GRXCR2: variants seen among roughly 807,000 people sequenced by gnomAD.
GRXCR2 encodes glutaredoxin domain-containing cysteine-rich protein 2.
A neutral mutation model predicts 24.8 loss-of-function variants in GRXCR2; 23 were observed. That is an observed-to-expected ratio of 0.93 (90% confidence interval 0.67 to 1.32). The LOEUF is 1.32. GRXCR2 is among the 40% of genes most tolerant of loss of function. The pLI is 0.00. For missense variants in GRXCR2, 315 were observed against 303.4 expected (o/e 1.04, Z -0.28); for synonymous variants, 130 against 116.1 (o/e 1.12, Z -0.77).
At chr5:145,901,975 C>T (rs1757031883) in intron 2 of GRXCR2, among the ~76,000 whole-genome samples, 1 of 152,150 alleles carries the variant, frequency 6.6e-6, no homozygotes, top group South Asian at 2.1e-4. Flanking sequence ...ACAAGATTTA[C>T]TCATGGTATT....
intron 2 of GRXCR2, among the ~76,000 whole-genome samples, chr5:145,886,842 T>A (rs1157337861): frequency 6.6e-6 from 1 of 152,230 alleles, no homozygotes; most frequent in Non-Finnish European, 1.5e-5. Context: ...TAATCCAGTA[T>A]AAGATATTCA....
At chr5:145,875,599 T>A (rs898216515), upstream of GRXCR2, among the ~76,000 whole-genome samples, 6 of 152,074 alleles carry the variant, frequency 3.9e-5, no homozygotes, top group Non-Finnish European at 7.4e-5. Context: ...ATTTTTTTTT[T>A]AATCTACCTT....
At chr5:145,928,749 T>G (rs1757435128) in intron 2 of GRXCR2, among the ~76,000 whole-genome samples, 3 of 78,502 alleles carry the variant, frequency 3.8e-5, no homozygotes, top group Non-Finnish European at 4.9e-5. Context: ...CCAGGGCCTG[T>G]TGTGGGGTGG....
intron 1 of GRXCR2, among the ~76,000 whole-genome samples, chr5:145,871,907 T>C (rs7703926): frequency 0.22 from 33,557 of 152,200 alleles, 4,098 homozygotes; most frequent in Non-Finnish European, 0.28. Context: ...ATACATCTCC[T>C]ATGAATTTTT....
intron 2 of GRXCR2, among the ~76,000 whole-genome samples, chr5:145,880,528 G>T (rs1268572511): frequency 6.6e-6 from 1 of 152,122 alleles, no homozygotes; most frequent in Non-Finnish European, 1.5e-5. Flanking sequence ...CTCTGAAATT[G>T]AGGCAATAAT....
intron 2 of GRXCR2, among the ~76,000 whole-genome samples, chr5:145,907,249 C>T (rs1426188290): frequency 6.6e-6 from 1 of 152,068 alleles, no homozygotes; most frequent in African/African-American, 2.4e-5. Context: ...ATTGCCCTGG[C>T]GGAATGCAGT....
At chr5:145,873,065 A>G, upstream of GRXCR2, 1 of 931,504 alleles carries the variant, frequency 1.1e-6, no homozygotes, top group South Asian at 1.6e-5. Context: ...CCTCCTGCAT[A>G]TAATTAATTC....
At chr5:145,868,345 G>T (rs1223651160) in intron 1 of GRXCR2, among the ~76,000 whole-genome samples, 1 of 152,138 alleles carries the variant, frequency 6.6e-6, no homozygotes, top group Non-Finnish European at 1.5e-5. Flanking sequence ...GTATTTAAAA[G>T]ATATTCAGCC....
At chr5:145,869,712 C>T (rs1756497905) in intron 1 of GRXCR2, among the ~76,000 whole-genome samples, 3 of 152,076 alleles carry the variant, frequency 2.0e-5, no homozygotes, top group African/African-American at 7.2e-5. Flanking sequence ...CGCCCGCCAC[C>T]ACACCTGGCT....
At chr5:145,893,013 T>A (rs1313396270) in intron 2 of GRXCR2, among the ~76,000 whole-genome samples, 1 of 152,158 alleles carries the variant, frequency 6.6e-6, no homozygotes, top group Non-Finnish European at 1.5e-5. Context: ...CAACCCACAA[T>A]TTCATATCCA....
chr5:145,903,733 A>G (rs1223432497), intron 2 of GRXCR2, among the ~76,000 whole-genome samples: 1 of 152,222 alleles, frequency 6.6e-6, no homozygotes, highest in Non-Finnish European at 1.5e-5. Flanking sequence ...CGATGGATAC[A>G]GTGAAGACAA....
chr5:145,927,847 C>A (rs11167919), intron 2 of GRXCR2, among the ~76,000 whole-genome samples: 27,509 of 151,834 alleles, frequency 0.18, 2,713 homozygotes, highest in Non-Finnish European at 0.22. Context: ...CATGGGGAAG[C>A]ACTTCATGTC....
At chr5:145,878,727 C>T (rs1283614272) in intron 2 of GRXCR2, among the ~76,000 whole-genome samples, 1 of 152,058 alleles carries the variant, frequency 6.6e-6, no homozygotes. Flanking sequence ...AGAAGAGCAA[C>T]CTCAAAACAC....
At chr5:145,929,199 CTATATA>C (rs72283862) in intron 2 of GRXCR2, among the ~76,000 whole-genome samples, 2 of 116,506 alleles carry the variant, frequency 1.7e-5, no homozygotes, top group Admixed American at 8.9e-5. Context: ...ATATTCCCCC[CTATATA>C]TATATATATA....
At chr5:145,870,008 T>C (rs1187711249) in intron 1 of GRXCR2, among the ~76,000 whole-genome samples, 1 of 152,166 alleles carries the variant, frequency 6.6e-6, no homozygotes, top group Non-Finnish European at 1.5e-5. Context: ...AACATCAAGC[T>C]CAGGTTTGAC....
At chr5:145,873,978 T>A (rs62393671), upstream of GRXCR2, among the ~76,000 whole-genome samples, 1 of 151,900 alleles carries the variant, frequency 6.6e-6, no homozygotes, top group Non-Finnish European at 1.5e-5. Flanking sequence ...GAATAGCCAC[T>A]CTGGGAAGGA....
intron 2 of GRXCR2, among the ~76,000 whole-genome samples, chr5:145,927,724 C>G (rs1757420420): frequency 6.6e-6 from 1 of 152,098 alleles, no homozygotes; most frequent in Non-Finnish European, 1.5e-5. Context: ...GCTTTGGTAT[C>G]AGGATGATGC....
intron 2 of GRXCR2, among the ~76,000 whole-genome samples, chr5:145,929,591 C>G (rs56246010): frequency 3.5e-3 from 540 of 152,188 alleles, no homozygotes; most frequent in Admixed American, 6.8e-3. Flanking sequence ...AATACAGTTA[C>G]AGTTTTACCA....
At position 145,917,337 on chromosome 5, in the gene GRXCR2, G is replaced by A. The variant is rs564278231; in HGVS notation, c.-70+18364C>T. On this transcript the variant is annotated intron_variant, in intron 2 of 3. Coordinates refer to the GRXCR2 transcript ENST00000639411. ...TAGACCCAAATATATGAACTTTCAT[G>A]TTCTGGTCTCCCCACAGTTGGAGAT... Among the ~76,000 whole-genome samples, 12 of 152,182 alleles carry A rather than the reference G, an allele frequency of 7.9e-5. No homozygotes were observed. The South Asian group carries it at 2.3e-3, about 29-fold the overall frequency.
Sources: gnomAD v4.1 joint callset for allele counts (sites outside exome capture counted in the v4.1 genomes callset) on GRCh38, gnomAD v4.1.1 for gene constraint, MANE v1.5 for transcripts, NCBI Gene and HGNC (gene_info 2026-07-23, HGNC 2026-07-21) for gene names.